Variants in CNTNAP2 observed in about 807,000 individuals in gnomAD.
The protein encoded by CNTNAP2 is contactin associated protein 2.
A neutral mutation model predicts 155.2 loss-of-function variants in CNTNAP2; 98 were observed. That is an observed-to-expected ratio of 0.63 (90% CI 0.54 to 0.75). The LOEUF (loss-of-function observed/expected upper bound fraction) is 0.75. Ranked by LOEUF, CNTNAP2 falls within the 30% of genes least tolerant of loss-of-function variation. The pLI, the probability that CNTNAP2 is intolerant of heterozygous loss-of-function variation, is 0.00. For missense variants in CNTNAP2, 1,727 were observed against 1,688.1 expected (o/e 1.02, Z -0.40); for synonymous variants, 651 against 631.2 (o/e 1.03, Z -0.47).
chr7:146,882,284 A>G (rs190166630), intron 3 of CNTNAP2, among the ~76,000 whole-genome samples: 113 of 152,202 alleles, frequency 7.4e-4, no homozygotes, highest in Admixed American at 5.2e-3. Context: ...GAATGCATGT[A>G]TCTTTTTGGC....
intron 15 of CNTNAP2, among the ~76,000 whole-genome samples, chr7:148,006,938 C>G (rs1801993749): frequency 6.6e-6 from 1 of 152,160 alleles, no homozygotes; most frequent in African/African-American, 2.4e-5. Flanking sequence ...GCAAATCTTT[C>G]TTAGACTATT....
intron 1 of CNTNAP2, among the ~76,000 whole-genome samples, chr7:146,438,165 T>G (rs1796270600): frequency 6.6e-6 from 1 of 151,460 alleles, no homozygotes. Context: ...AAGCCCGGAA[T>G]GCCTAGTATA....
intron 2 of CNTNAP2, among the ~76,000 whole-genome samples, chr7:146,831,175 A>T (rs1026577158): frequency 6.6e-6 from 1 of 152,112 alleles, no homozygotes; most frequent in Non-Finnish European, 1.5e-5. Flanking sequence ...TACAACTCAC[A>T]TGCTAGACTT....
intron 21 of CNTNAP2, among the ~76,000 whole-genome samples, chr7:148,283,255 A>AGAAAAGAAAGAAAGAAAGAAAGAAAG (rs1277840999): frequency 1.7e-4 from 11 of 63,572 alleles, no homozygotes; most frequent in Non-Finnish European, 2.3e-4. Context: ...AAAAAAAAAA[A>AGAAAAGAAAGAAAGAAAGAAAGAAAG]AAAGAAAGAA....
Position 146,712,442 on chromosome 7 carries a change from G to A in CNTNAP2, c.98-61829G>A, listed in dbSNP as rs577140247. Among the ~76,000 whole-genome samples the A allele has an allele frequency of 2.4e-4, 36 of 147,012 alleles. No homozygotes were observed. The South Asian group carries it at 7.0e-3, about 29-fold the overall frequency. Reference sequence around the variant, plus strand: ...TTGCTTGGTGCCAAAGCACAGAAGAGGAAGATAATAATTTTGAGGTATTTG... The same window carrying A: ...TTGCTTGGTGCCAAAGCACAGAAGAAGAAGATAATAATTTTGAGGTATTTG... On this transcript the variant is annotated intron_variant, in intron 1 of 23. Transcript: ENST00000361727.
chr7:147,160,710 G>A (rs1802008476), intron 8 of CNTNAP2, among the ~76,000 whole-genome samples: 1 of 152,064 alleles, frequency 6.6e-6, no homozygotes, highest in African/African-American at 2.4e-5. Flanking sequence ...AGGGGAGATT[G>A]TTTACTTATT....
intron 8 of CNTNAP2, among the ~76,000 whole-genome samples, chr7:147,281,365 A>T (rs1281210677): frequency 1.3e-5 from 2 of 151,882 alleles, no homozygotes; most frequent in Non-Finnish European, 2.9e-5. Flanking sequence ...ATTATTTTTA[A>T]AAGACAATAT....
chr7:148,210,093 T>C (rs1159181413), intron 18 of CNTNAP2, among the ~76,000 whole-genome samples: 1 of 152,176 alleles, frequency 6.6e-6, no homozygotes, highest in Non-Finnish European at 1.5e-5. Context: ...TTAAAAAGAC[T>C]GAGTGCTAGC....
intron 11 of CNTNAP2, among the ~76,000 whole-genome samples, chr7:147,547,630 AACACACAC>A (rs55909556): frequency 9.0e-4 from 105 of 116,066 alleles, no homozygotes; most frequent in South Asian, 4.9e-3. Flanking sequence ...ATTTCTTCTA[AACACACAC>A]ACACACACAC....
At chr7:146,833,232 C>T (rs1458117460) in intron 2 of CNTNAP2, among the ~76,000 whole-genome samples, 2 of 152,124 alleles carry the variant, frequency 1.3e-5, no homozygotes, top group Non-Finnish European at 2.9e-5. Context: ...CACTAGCCCT[C>T]AATTGCTATT....
chr7:147,637,530 CTCTG>C lies in CNTNAP2; in HGVS notation c.1898-1572_1898-1569del, dbSNP rs1250892476. The stretch of plus-strand genomic sequence containing the variant: ...AATCTACAGCACGCTCTCTCTTGCG[CTCTG>C]TCTCTCTCTCACCACTTCTTTCCTC... On this transcript the variant is annotated intron_variant, in intron 12 of 23. Transcript: ENST00000361727. Among the ~76,000 whole-genome samples, 38 of 151,904 alleles carry C rather than the reference CTCTG, an allele frequency of 2.5e-4. 1 individual carries two copies. Among genetic ancestry groups the C allele is most frequent in the Admixed American group, 2.4e-3 (37 of 15,244 alleles).
chr7:146,520,379 AC>A (rs1797601409), intron 1 of CNTNAP2, among the ~76,000 whole-genome samples: 2 of 149,636 alleles, frequency 1.3e-5, no homozygotes, highest in African/African-American at 4.9e-5. Context: ...TAAGATATAC[AC>A]CTCTGAAGAG....
At chr7:147,091,412 G>T (rs1158473370) in intron 4 of CNTNAP2, among the ~76,000 whole-genome samples, 1 of 152,046 alleles carries the variant, frequency 6.6e-6, no homozygotes, top group East Asian at 2.0e-4. Flanking sequence ...CATGTGCTAT[G>T]ATTCTAAGTT....
intron 1 of CNTNAP2, among the ~76,000 whole-genome samples, chr7:146,583,876 C>T (rs1232389053): frequency 6.6e-6 from 1 of 152,234 alleles, no homozygotes; most frequent in African/African-American, 2.4e-5. Context: ...TTGTATAACA[C>T]TCTCCTTGTA....
At chr7:146,642,791 C>T (rs1312840583) in intron 1 of CNTNAP2, among the ~76,000 whole-genome samples, 1 of 151,794 alleles carries the variant, frequency 6.6e-6, no homozygotes, top group East Asian at 1.9e-4. Context: ...TAAAAGTGTT[C>T]CTATTTCTCC....
intron 13 of CNTNAP2, among the ~76,000 whole-genome samples, chr7:147,686,687 A>C (rs1796021532): frequency 3.3e-5 from 5 of 152,010 alleles, no homozygotes; most frequent in Admixed American, 6.6e-5. Context: ...GTAAAATCAG[A>C]AGAGTTTAGG....
chr7:146,201,580 A>G (rs1216929373), intron 1 of CNTNAP2, among the ~76,000 whole-genome samples: 1 of 152,130 alleles, frequency 6.6e-6, no homozygotes, highest in African/African-American at 2.4e-5. Flanking sequence ...GAGGATCAAT[A>G]TATCCTGAAA....
chr7:147,724,753 A>G (rs1012605808), intron 13 of CNTNAP2, among the ~76,000 whole-genome samples: 1 of 152,032 alleles, frequency 6.6e-6, no homozygotes, highest in East Asian at 1.9e-4. Context: ...TCAGAAGTAT[A>G]GTCTTGCTCA....
intron 1 of CNTNAP2, among the ~76,000 whole-genome samples, chr7:146,285,978 CTGTGTGTGTGTGTGTGTG>C (rs540809295): frequency 1.2e-4 from 4 of 33,710 alleles, no homozygotes; most frequent in African/African-American, 8.3e-4. Flanking sequence ...CCTTCCTTCT[CTGTGTGTGTGTGTGTGTG>C]TGTGTGTGTG....
Sources: gnomAD v4.1 joint callset for allele counts (sites outside exome capture counted in the v4.1 genomes callset) on GRCh38, gnomAD v4.1.1 for gene constraint, MANE v1.5 for transcripts, NCBI Gene and HGNC (gene_info 2026-07-23, HGNC 2026-07-21) for gene names.